The following ARHGAP39 variants were observed in gnomAD, a reference collection of about 807,000 sequenced individuals.
ARHGAP39 encodes the protein Rho GTPase activating protein 39.
A neutral mutation model predicts 106.9 loss-of-function variants in ARHGAP39; 44 were observed. The ratio of observed to expected loss-of-function variants is 0.41; its 90% CI spans 0.32 to 0.53. The LOEUF (loss-of-function observed/expected upper bound fraction) is 0.53, where lower values mean the gene tolerates loss of function less well. Among genes scored for constraint, ARHGAP39 ranks in the 20% least tolerant of loss-of-function variants. The pLI is 0.21. For missense variants in ARHGAP39, 1,496 were observed against 1,577.3 expected, an observed-to-expected ratio of 0.95 and a Z score of 0.87; for synonymous variants, 768 against 693.2, an observed-to-expected ratio of 1.11 and a Z score of -1.69.
At chr8:144,536,766 C>T (rs975201097) in intron 7 of ARHGAP39, among the ~76,000 whole-genome samples, 1 of 152,244 alleles carries the variant, frequency 6.6e-6, no homozygotes, top group Non-Finnish European at 1.5e-5. Flanking sequence ...GCATTCCCCA[C>T]GAGGGCCCTT....
intron 1 of ARHGAP39, among the ~76,000 whole-genome samples, chr8:144,610,463 G>C (rs1026124317): frequency 2.0e-5 from 3 of 152,160 alleles, no homozygotes; most frequent in Non-Finnish European, 4.4e-5. Flanking sequence ...TGTAATCCCA[G>C]CACTTTGGGA....
intron 1 of ARHGAP39, among the ~76,000 whole-genome samples, chr8:144,666,150 G>A (rs1223719503): frequency 3.3e-5 from 5 of 152,096 alleles, no homozygotes; most frequent in Non-Finnish European, 7.4e-5. Context: ...ACTTGCAAGG[G>A]GCCTGTAACC....
intron 6 of ARHGAP39, among the ~76,000 whole-genome samples, chr8:144,540,558 T>C (rs1817147509): frequency 6.6e-6 from 1 of 152,204 alleles, no homozygotes; most frequent in African/African-American, 2.4e-5. Context: ...CCCAGCACTT[T>C]GGGAGGCTAA....
At chr8:144,616,947 C>T (rs1347524791) in intron 1 of ARHGAP39, among the ~76,000 whole-genome samples, 1 of 152,190 alleles carries the variant, frequency 6.6e-6, no homozygotes, top group African/African-American at 2.4e-5. Flanking sequence ...AGCAGTGGCT[C>T]ACACCTGGAA....
rs374696010 is a variant in ARHGAP39, at chr8:144,605,630, C to T, written c.-16G>A. The T allele has an allele frequency of 2.0e-5, 32 of 1,612,046 alleles. No homozygotes were observed. The highest frequency in any genetic ancestry group is 8.0e-5 in the African/African-American group (6 of 74,938). On this transcript the variant is annotated 5_prime_UTR_variant, in exon 2 of 12. Coordinates refer to ENST00000377307, the MANE Select transcript of ARHGAP39 (RefSeq NM_025251.3). ...TCTGGGACATCGCTGTTTGCTTCCG[C>T]GCCCACGTGGACAGACGTCAGGGCA...
Position 144,602,279 on chromosome 8 carries a change from G to A in ARHGAP39, c.80+3256C>T, listed in dbSNP as rs529808344. On this transcript the variant is annotated intron_variant, in intron 2 of 11. Transcript: ENST00000377307. Reference sequence around the variant, plus strand: ...TGAGCTCATGTACCTGTGTGTGTGCGTGGAGGCGTGTGTGCTCGTGTACCT... The same window carrying A: ...TGAGCTCATGTACCTGTGTGTGTGCATGGAGGCGTGTGTGCTCGTGTACCT... Among the ~76,000 whole-genome samples, 377 of 126,598 alleles carry A rather than the reference G, an allele frequency of 3.0e-3. 3 individuals carry two copies. The highest frequency in any genetic ancestry group is 0.011 in the African/African-American group (335 of 29,902). 83.1% of individuals were successfully genotyped at this position (126,598 alleles called of 152,430 possible). A position where few individuals can be genotyped will look rare whatever the true frequency, so the allele number is the denominator to read the frequency against.
chr8:144,654,614 C>G (rs560000311), intron 1 of ARHGAP39, among the ~76,000 whole-genome samples: 1 of 152,358 alleles, frequency 6.6e-6, no homozygotes, highest in African/African-American at 2.4e-5. Context: ...GGGCTGCACA[C>G]TCCATGGAGC....
At chr8:144,594,405 A>G (rs1420974747) in intron 2 of ARHGAP39, among the ~76,000 whole-genome samples, 1 of 152,122 alleles carries the variant, frequency 6.6e-6, no homozygotes, top group Non-Finnish European at 1.5e-5. Context: ...CAAAAAATCA[A>G]ACATACCGGC....
chr8:144,614,783 G>A (rs961434536), intron 1 of ARHGAP39, among the ~76,000 whole-genome samples: 6 of 152,224 alleles, frequency 3.9e-5, no homozygotes, highest in South Asian at 4.1e-4. Context: ...CACTGGGTAC[G>A]CTACCACATG....
At chr8:144,570,526 C>T (rs989251657) in intron 3 of ARHGAP39, among the ~76,000 whole-genome samples, 3 of 152,118 alleles carry the variant, frequency 2.0e-5, no homozygotes, top group African/African-American at 4.8e-5. Flanking sequence ...TTAGACGCAA[C>T]GACAATAGGA....
At chr8:144,630,044 G>A (rs1219203444) in intron 1 of ARHGAP39, among the ~76,000 whole-genome samples, 1 of 152,122 alleles carries the variant, frequency 6.6e-6, no homozygotes, top group Non-Finnish European at 1.5e-5. Context: ...GCCCCAACAG[G>A]CCCCTGGCAA....
intron 3 of ARHGAP39, among the ~76,000 whole-genome samples, chr8:144,572,115 G>C (rs1044106134): frequency 6.6e-6 from 1 of 152,088 alleles, no homozygotes; most frequent in African/African-American, 2.4e-5. Flanking sequence ...TCACAGAATT[G>C]GAAAAAATTA....
chr8:144,534,307 T>C, intron 7 of ARHGAP39, 105 bp from the exon 8 acceptor site: 2 of 1,315,930 alleles, frequency 1.5e-6, no homozygotes, highest in Non-Finnish European at 2.2e-6. Flanking sequence ...GGGGCTGGGC[T>C]GGCCTTGCCC....
intron 2 of ARHGAP39, among the ~76,000 whole-genome samples, chr8:144,597,031 C>A (rs1245931910): frequency 6.6e-6 from 1 of 152,196 alleles, no homozygotes; most frequent in Non-Finnish European, 1.5e-5. Context: ...TCACACCAGA[C>A]GTGGTGAGGG....
In ARHGAP39 at chr8:144,581,088, C is replaced by A; in HGVS notation, c.270G>T (p.Thr90=). 1.3e-6 allele frequency: 2 copies of A among 1,589,634 alleles called. No individual in the cohort carries two copies. Among genetic ancestry groups the A allele is most frequent in the Non-Finnish European group, 1.7e-6 (2 of 1,168,946 alleles). The part of the protein sequence containing the change: ...FYYYNASTQR[T]VWHRPQGCDI... ...CGCAGCCCTGCGGCCGGTGCCACAC[C>A]GTGCGCTGCGTGCTGGCATTGTAGT... The change falls in exon 3 of 12, where the codon ACG becomes ACT. Residue 90 remains threonine (T), a synonymous_variant. Transcript: ENST00000377307.
intron 1 of ARHGAP39, among the ~76,000 whole-genome samples, chr8:144,656,981 A>G (rs1195349124): frequency 1.3e-5 from 2 of 152,166 alleles, no homozygotes; most frequent in Admixed American, 6.5e-5. Context: ...CTTGATAGCC[A>G]ATGTATCTAT....
At chr8:144,675,017 A>G (rs1822196143) in intron 1 of ARHGAP39, among the ~76,000 whole-genome samples, 1 of 151,908 alleles carries the variant, frequency 6.6e-6, no homozygotes, top group African/African-American at 2.4e-5. Flanking sequence ...CTGGGTCCAT[A>G]GCCACAGCTA....
At chr8:144,653,666 T>C (rs1045878608) in intron 1 of ARHGAP39, among the ~76,000 whole-genome samples, 25 of 152,254 alleles carry the variant, frequency 1.6e-4, no homozygotes, top group African/African-American at 6.0e-4. Flanking sequence ...GGACCTTCCT[T>C]ATGGTGGAGA....
intron 1 of ARHGAP39, among the ~76,000 whole-genome samples, chr8:144,673,539 T>C (rs1163678630): frequency 6.6e-6 from 1 of 152,264 alleles, no homozygotes; most frequent in Non-Finnish European, 1.5e-5. Context: ...ACCTCTTGGC[T>C]GTCATCCCCT....
Sources: allele counts gnomAD v4.1 joint callset (sites outside exome capture counted in the v4.1 genomes callset), GRCh38; gene constraint gnomAD v4.1.1; transcripts MANE v1.5; gene names NCBI Gene and HGNC (gene_info 2026-07-23, HGNC 2026-07-21).